Variants in FBXW11 observed in about 807,000 individuals in gnomAD.
The protein encoded by FBXW11 is F-box/WD repeat-containing protein 11.
Under a neutral mutation model 77.6 loss-of-function variants are expected in FBXW11, and 19 were observed. That is an observed-to-expected ratio of 0.24 (90% CI 0.17 to 0.36). The LOEUF is 0.36. Among genes scored for constraint, FBXW11 ranks in the 10% least tolerant of loss-of-function variants. FBXW11 has a pLI of 1.00. For synonymous variants in FBXW11, 235 were observed against 249.4 expected (o/e 0.94, Z 0.54); for missense variants, 334 against 704.2 (o/e 0.47, Z 5.95).
chr5:171,883,540 A>C (rs553465739), intron 7 of FBXW11, among the ~76,000 whole-genome samples: 1 of 152,318 alleles, frequency 6.6e-6, no homozygotes, highest in South Asian at 2.1e-4. Context: ...AAAAAATAAA[A>C]GAAAAAGAAA....
intron 1 of FBXW11, among the ~76,000 whole-genome samples, chr5:171,987,639 G>A (rs1197251556): frequency 6.6e-6 from 1 of 152,088 alleles, no homozygotes; most frequent in Non-Finnish European, 1.5e-5. Context: ...TTTTTAGTGA[G>A]ACGGGGTTTC....
At chr5:171,874,848 G>C (rs1303247821) in intron 9 of FBXW11, among the ~76,000 whole-genome samples, 1 of 150,852 alleles carries the variant, frequency 6.6e-6, no homozygotes, top group Non-Finnish European at 1.5e-5. Context: ...AGGAGTCCCT[G>C]AGCTGGGGGA....
At chr5:171,972,149 A>C (rs1185747094) in intron 1 of FBXW11, among the ~76,000 whole-genome samples, 19 of 142,608 alleles carry the variant, frequency 1.3e-4, no homozygotes, top group Admixed American at 3.5e-4. Context: ...GGAAAATCAC[A>C]TGAGCCTGGG....
chr5:171,975,238 A>C (rs1428315048), intron 1 of FBXW11, among the ~76,000 whole-genome samples: 1 of 152,248 alleles, frequency 6.6e-6, no homozygotes, highest in African/African-American at 2.4e-5. Flanking sequence ...TAAAACTCCA[A>C]CAAAGAAGCC....
intron 2 of FBXW11, among the ~76,000 whole-genome samples, chr5:171,940,535 C>T (rs1465101921): frequency 6.6e-6 from 1 of 152,000 alleles, no homozygotes; most frequent in Non-Finnish European, 1.5e-5. Flanking sequence ...ACAAGATAAG[C>T]CTGGAACATG....
At chr5:171,985,485 G>A (rs1450744929) in intron 1 of FBXW11, among the ~76,000 whole-genome samples, 2 of 152,048 alleles carry the variant, frequency 1.3e-5, no homozygotes, top group African/African-American at 4.8e-5. Context: ...TAGACCAGAT[G>A]CAGTGGCTCA....
At chr5:171,919,042 A>G (rs1261593701) in intron 2 of FBXW11, among the ~76,000 whole-genome samples, 1 of 152,102 alleles carries the variant, frequency 6.6e-6, no homozygotes, top group Non-Finnish European at 1.5e-5. Flanking sequence ...CTGTGATGCT[A>G]TTCACATACA....
At chr5:171,892,841 C>A (rs1759446413) in intron 6 of FBXW11, among the ~76,000 whole-genome samples, 1 of 152,210 alleles carries the variant, frequency 6.6e-6, no homozygotes, top group Admixed American at 6.5e-5. Flanking sequence ...TAGTTTCTCT[C>A]TGAGTAGCTA....
rs1757643383 is a variant in FBXW11, at chr5:171,869,851, T to G, written c.1452-44A>C. On this transcript the variant is annotated intron_variant, in intron 11 of 13. Transcript: ENST00000517395. This position sits in a 1 kb window ranked among gnomAD's most constrained non-coding sequence, Gnocchi z 4.1. ...TGTGATTAGTGGAAAAGTGAACAAT[T>G]TATATGCTGTCAAACATTTCCTTGA... The G allele has an allele frequency of 3.0e-6, 4 of 1,328,002 alleles. No individual in the cohort carries two copies. In the African/African-American group the frequency reaches 4.4e-5, roughly 15 times the overall value. 82.3% of individuals were successfully genotyped at this position (1,328,002 alleles called of 1,614,324 possible). A position where few individuals can be genotyped will look rare whatever the true frequency, so the allele number is the denominator to read the frequency against.
At chr5:171,988,029 T>A (rs1479890059) in intron 1 of FBXW11, among the ~76,000 whole-genome samples, 1 of 152,202 alleles carries the variant, frequency 6.6e-6, no homozygotes, top group African/African-American at 2.4e-5. Flanking sequence ...GATGGGGCCA[T>A]GATACCGACA....
At chr5:171,892,831 T>C (rs931118975) in intron 6 of FBXW11, among the ~76,000 whole-genome samples, 1 of 152,256 alleles carries the variant, frequency 6.6e-6, no homozygotes, top group Non-Finnish European at 1.5e-5. Flanking sequence ...GTTCAGGATA[T>C]AGTTTCTCTC....
intron 6 of FBXW11, among the ~76,000 whole-genome samples, chr5:171,897,003 T>C (rs559410374): frequency 6.6e-6 from 1 of 152,152 alleles, no homozygotes; most frequent in East Asian, 1.9e-4. Flanking sequence ...TATTTTGAGG[T>C]GGTAGCAGTG....
At chr5:171,873,382 C>A (rs967664398) in intron 9 of FBXW11, among the ~76,000 whole-genome samples, 4 of 152,182 alleles carry the variant, frequency 2.6e-5, no homozygotes, top group African/African-American at 9.7e-5. Context: ...TACGGTAGCT[C>A]ACACCTAATC....
intron 3 of FBXW11, among the ~76,000 whole-genome samples, chr5:171,911,451 CAGGTCTATAT>C (rs1760878465): frequency 6.6e-6 from 1 of 152,204 alleles, no homozygotes; most frequent in Non-Finnish European, 1.5e-5. Flanking sequence ...TTGAGAACCA[CAGGTCTATAT>C]AACAAAGATA....
In FBXW11 at chr5:171,938,435, G is replaced by A. The variant is rs548808184; in HGVS notation, c.147+19162C>T. 6.6e-5 allele frequency among the ~76,000 whole-genome samples: 10 copies of A among 152,278 alleles called. No homozygotes were observed. In the East Asian group the frequency reaches 1.9e-3, roughly 29 times the overall value. On this transcript the variant is annotated intron_variant, in intron 2 of 13. Transcript: ENST00000517395. Reference sequence around the variant, plus strand: ...ATGTTCAGATTTACTCATAATTAAAGAGATGCAAATTAAAGCTACACATTT... The same window carrying A: ...ATGTTCAGATTTACTCATAATTAAAAAGATGCAAATTAAAGCTACACATTT...
chr5:171,872,834 A>T (rs1388908691), intron 10 of FBXW11, 38 bp downstream of exon 10: 1 of 1,510,936 alleles, frequency 6.6e-7, no homozygotes, highest in Admixed American at 1.7e-5. Context: ...ATGTGGCAAA[A>T]ATCAGCCTGC....
At chr5:171,968,261 C>A (rs138249626) in intron 1 of FBXW11, among the ~76,000 whole-genome samples, 2,693 of 152,044 alleles carry the variant, frequency 0.018, 75 homozygotes, top group African/African-American at 0.063. Flanking sequence ...TCGAGACCAT[C>A]CCGGCTAACA....
Position 171,891,599 on chromosome 5 carries a change from T to C in FBXW11, c.720A>G (p.Ile240Met). 3.7e-6 allele frequency: 6 copies of C among 1,610,210 alleles called. No homozygotes were observed. Among genetic ancestry groups the C allele is most frequent in the Non-Finnish European group, 5.1e-6 (6 of 1,178,802 alleles). ...YPKIIQDIET[I>M]ESNWRCGRHN... ...GTCGTCCACACCGCCAGTTAGATTC[T>C]ATAGTCTAGGGAAAAAAGGAGGCAA... Residue 240 changes from isoleucine (I) to methionine (M), a missense_variant, in exon 7 of 14, where the codon ATA (isoleucine) becomes ATG (methionine). Physicochemically the swap from Ile to Met is conservative, Grantham distance 10. Transcript: ENST00000517395.
At chr5:171,952,434 TATATA>T in intron 2 of FBXW11, among the ~76,000 whole-genome samples, 1 of 15,584 alleles carries the variant, frequency 6.4e-5, no homozygotes, top group Non-Finnish European at 1.3e-4. Flanking sequence ...TATATATATA[TATATA>T]TATATATATT....
Sources: allele counts gnomAD v4.1 joint callset (sites outside exome capture counted in the v4.1 genomes callset), GRCh38; gene constraint gnomAD v4.1.1; non-coding constraint Gnocchi (gnomAD v3.1); transcripts MANE v1.5; gene names NCBI Gene and HGNC (gene_info 2026-07-23, HGNC 2026-07-21).